COPS9: variants seen among roughly 807,000 people sequenced by gnomAD.
The protein encoded by COPS9 is COP9 signalosome complex subunit 9.
In COPS9, 8 loss-of-function variants were observed where a neutral mutation model predicts 7.2. That is an observed-to-expected ratio of 1.11 (90% CI 0.65 to 2.00). The LOEUF is 2.00. Ranked by LOEUF, COPS9 falls within the 30% of genes most tolerant of loss-of-function variation. The pLI is 0.00. For missense variants in COPS9, 74 were observed against 77.7 expected, an observed-to-expected ratio of 0.95 and a Z score of 0.18; for synonymous variants, 39 against 28.7, an observed-to-expected ratio of 1.36 and a Z score of -1.14.
At chr2:240,131,736 C>T (rs1294269041) in intron 2 of COPS9, among the ~76,000 whole-genome samples, 1 of 152,218 alleles carries the variant, frequency 6.6e-6, no homozygotes, top group East Asian at 1.9e-4. Flanking sequence ...CTGTGTTTTT[C>T]AAATTCCCTA....
At chr2:240,127,290 C>A (rs2071876146), downstream of COPS9, among the ~76,000 whole-genome samples, 1 of 150,590 alleles carries the variant, frequency 6.6e-6, no homozygotes. Flanking sequence ...CCTTACAGCT[C>A]AGGCACAGGG....
At chr2:240,129,915 T>C, downstream of COPS9, 1 of 1,613,780 alleles carries the variant, frequency 6.2e-7, no homozygotes, top group Non-Finnish European at 8.5e-7. Flanking sequence ...TCTTACCTCT[T>C]CCGACACCAC....
intron 2 of COPS9, 34 bp downstream of exon 2, chr2:240,133,899 A>T (rs564431476): frequency 6.2e-7 from 1 of 1,605,872 alleles, no homozygotes; most frequent in African/African-American, 1.3e-5. Flanking sequence ...AAATATTCAG[A>T]TTAAATCTGG....
chr2:240,131,649 A>C (rs889002472), intron 2 of COPS9, among the ~76,000 whole-genome samples: 3 of 152,250 alleles, frequency 2.0e-5, no homozygotes, highest in African/African-American at 4.8e-5. Context: ...GAAGAAACGC[A>C]GCAAACACGT....
At chr2:240,134,031 G>A (rs1448913365) in intron 1 of COPS9, 26 bp from the exon 2 acceptor site, 17 of 1,612,854 alleles carry the variant, frequency 1.1e-5, no homozygotes, top group Non-Finnish European at 1.4e-5. Context: ...GCAAGGTTAT[G>A]TCAGGTGCGT....
At chr2:240,133,173 A>G (rs78927928) in intron 2 of COPS9, among the ~76,000 whole-genome samples, 2,356 of 152,334 alleles carry the variant, frequency 0.015, 44 homozygotes, top group East Asian at 0.089. Flanking sequence ...TTCTGTAGAG[A>G]AAAGCACCAT....
chr2:240,126,661 G>A (rs1269873308), downstream of COPS9: 1 of 1,614,046 alleles, frequency 6.2e-7, no homozygotes, highest in Admixed American at 1.7e-5. Flanking sequence ...CCCCTCCAGT[G>A]AGTAGAAACT....
rs951297129 is a variant in COPS9 at position 240,134,329 on chromosome 2, G to C, written c.64-324C>G. ...GCTTTCCGATCCCTCGCCGGACATC[G>C]CCAGAGGCCACAAACATGCGAAATT... On this transcript the variant is annotated intron_variant, in intron 1 of 2. Coordinates refer to ENST00000607357, the MANE Select transcript of COPS9 (RefSeq NM_001163424.2). The C allele has an allele frequency of 1.5e-5, 4 of 258,138 alleles. 1 individual carries two copies. Among genetic ancestry groups the C allele is most frequent in the South Asian group, 1.4e-4 (2 of 13,794 alleles). The allele number at this position is 258,138 out of a possible 1,614,324, so 16.0% of individuals were successfully genotyped here.
intron 2 of COPS9, 75 bp from the exon 3 acceptor site, chr2:240,131,163 T>C (rs2071918235): frequency 6.9e-7 from 1 of 1,459,226 alleles, no homozygotes; most frequent in South Asian, 1.2e-5. Context: ...GAATGAATTA[T>C]ATAGTAGTCC....
At chr2:240,130,384 C>G (rs1035406821), downstream of COPS9, among the ~76,000 whole-genome samples, 19 of 152,240 alleles carry the variant, frequency 1.2e-4, no homozygotes, top group African/African-American at 4.1e-4. Context: ...CTACAGGAAA[C>G]AAGACCCCTC....
downstream of COPS9, chr2:240,129,974 C>T (rs754513183): frequency 1.4e-5 from 23 of 1,613,890 alleles, no homozygotes; most frequent in Non-Finnish European, 1.8e-5. Flanking sequence ...ACTGCCCTCG[C>T]TGCAGTGCGG....
At chr2:240,129,535 C>G (rs369087865), downstream of COPS9, among the ~76,000 whole-genome samples, 712 of 152,282 alleles carry the variant, frequency 4.7e-3, 14 homozygotes, top group South Asian at 0.047. Context: ...ACGGGCCAGT[C>G]TGAGTGTAGC....
chr2:240,135,435 AAGGGC>A (rs990686912), intron 1 of COPS9, among the ~76,000 whole-genome samples: 1 of 152,132 alleles, frequency 6.6e-6, no homozygotes, highest in Non-Finnish European at 1.5e-5. Context: ...CCACAAGCAC[AAGGGC>A]TGCCTCTGAC....
chr2:240,130,154 A>T (rs1408948162), downstream of COPS9: 5 of 701,270 alleles, frequency 7.1e-6, no homozygotes, highest in African/African-American at 9.0e-5. Flanking sequence ...CCTCCAGTAC[A>T]AATGTCTCTT....
At chr2:240,129,931 G>T (rs115914450), downstream of COPS9, 152 of 1,613,836 alleles carry the variant, frequency 9.4e-5, no homozygotes, top group Non-Finnish European at 1.2e-4. Flanking sequence ...ACCACAGGCC[G>T]CTCTGCTGCC....
At chr2:240,133,582 C>T (rs2071943277) in intron 2 of COPS9, among the ~76,000 whole-genome samples, 1 of 152,206 alleles carries the variant, frequency 6.6e-6, no homozygotes, top group African/African-American at 2.4e-5. Context: ...AGGGCGGAGA[C>T]AGGGAGACAG....
At chr2:240,127,822 C>A (rs1450559472), downstream of COPS9, among the ~76,000 whole-genome samples, 1 of 152,142 alleles carries the variant, frequency 6.6e-6, no homozygotes, top group East Asian at 1.9e-4. Flanking sequence ...AGCACCCTGA[C>A]AAAGGGACCA....
At chr2:240,130,761 AACAC>A, downstream of COPS9, 2 of 1,316,376 alleles carry the variant, frequency 1.5e-6, no homozygotes, top group Non-Finnish European at 9.7e-7. Flanking sequence ...TGCACACACA[AACAC>A]ACAGAGACGT....
downstream of COPS9, chr2:240,126,754 G>A (rs543042712): frequency 1.2e-5 from 20 of 1,614,172 alleles, no homozygotes; most frequent in Non-Finnish European, 1.6e-5. Context: ...CACTTGGATT[G>A]GTTCTTCCGT....
Sources: allele counts gnomAD v4.1 joint callset (sites outside exome capture counted in the v4.1 genomes callset), GRCh38; gene constraint gnomAD v4.1.1; transcripts MANE v1.5; gene names NCBI Gene and HGNC (gene_info 2026-07-23, HGNC 2026-07-21).